The following USP37 variants were observed in gnomAD, a reference collection of about 807,000 sequenced individuals.
USP37 encodes ubiquitin specific peptidase 37.
USP37 carries 27 observed loss-of-function variants against 124.0 expected under a neutral mutation model. That is an observed-to-expected ratio of 0.22 (90% confidence interval 0.16 to 0.30). The LOEUF (loss-of-function observed/expected upper bound fraction) is 0.30. Ranked by LOEUF, USP37 falls within the 10% of genes least tolerant of loss-of-function variation. USP37 has a pLI of 1.00. For synonymous variants in USP37, 365 were observed against 388.0 expected (o/e 0.94, Z 0.70); for missense variants, 889 against 1,140.4 (o/e 0.78, Z 3.17).
intron 23 of USP37, among the ~76,000 whole-genome samples, chr2:218,457,533 T>C (rs2106403973): frequency 6.6e-6 from 1 of 152,170 alleles, no homozygotes; most frequent in Non-Finnish European, 1.5e-5. Flanking sequence ...TCCAAACCCA[T>C]ATGAATGCAC....
intron 1 of USP37, among the ~76,000 whole-genome samples, chr2:218,563,186 G>T (rs551299567): frequency 2.0e-5 from 3 of 148,594 alleles, no homozygotes; most frequent in African/African-American, 7.4e-5. Flanking sequence ...AAAGGAAAGT[G>T]ATCGTTTATA....
chr2:218,504,699 C>T (rs774462593), intron 11 of USP37, among the ~76,000 whole-genome samples: 15 of 151,916 alleles, frequency 9.9e-5, no homozygotes, highest in Non-Finnish European at 1.5e-4. Context: ...CCTCCCAAAG[C>T]GCTAGGATTA....
chr2:218,471,902 C>T (rs1374237300), intron 20 of USP37, among the ~76,000 whole-genome samples: 1 of 151,602 alleles, frequency 6.6e-6, no homozygotes, highest in Admixed American at 6.6e-5. Context: ...TGGTGGCGGG[C>T]GCCTGTAATC....
At chr2:218,462,596 A>G (rs1444180767) in intron 22 of USP37, among the ~76,000 whole-genome samples, 1 of 152,154 alleles carries the variant, frequency 6.6e-6, no homozygotes, top group African/African-American at 2.4e-5. Context: ...GCTCTTGAAA[A>G]TTCACGGGGA....
chr2:218,499,517 TAATC>T (rs1689256966), intron 11 of USP37, among the ~76,000 whole-genome samples: 1 of 152,202 alleles, frequency 6.6e-6, no homozygotes, highest in Non-Finnish European at 1.5e-5. Flanking sequence ...TTCTTATAAA[TAATC>T]AGAGTACAAT....
At chr2:218,474,580 TGAAA>T in intron 20 of USP37, 46 bp downstream of exon 20, 1 of 1,594,912 alleles carries the variant, frequency 6.3e-7, no homozygotes, top group Non-Finnish European at 8.5e-7. Context: ...TACAAAACTT[TGAAA>T]GAGTTATGTT....
At chr2:218,478,275 T>C (rs1691079815) in intron 18 of USP37, among the ~76,000 whole-genome samples, 1 of 152,172 alleles carries the variant, frequency 6.6e-6, no homozygotes, top group Non-Finnish European at 1.5e-5. Flanking sequence ...AAGCCTCCCA[T>C]GTGCTCAAAA....
intron 10 of USP37, among the ~76,000 whole-genome samples, chr2:218,514,711 C>A (rs961144223): frequency 3.5e-4 from 53 of 152,150 alleles, no homozygotes; most frequent in Non-Finnish European, 1.5e-4. Context: ...CTTTTGTCCA[C>A]TAATTTTAGC....
At chr2:218,477,747 T>C (rs1197028802) in intron 18 of USP37, among the ~76,000 whole-genome samples, 2 of 152,266 alleles carry the variant, frequency 1.3e-5, no homozygotes, top group Non-Finnish European at 2.9e-5. Flanking sequence ...CATTAAGATA[T>C]ACTTAAATTA....
chr2:218,562,632 T>C (rs954138431), intron 2 of USP37, 41 bp downstream of exon 2: 61 of 398,096 alleles, frequency 1.5e-4, no homozygotes, highest in Middle Eastern at 6.3e-4. Flanking sequence ...CCAGATTGCA[T>C]GCTCTTTGAA....
intron 13 of USP37, among the ~76,000 whole-genome samples, chr2:218,497,497 A>G (rs893462716): frequency 1.3e-5 from 2 of 151,212 alleles, no homozygotes; most frequent in African/African-American, 4.9e-5. Flanking sequence ...GGGTTCAAGC[A>G]ATTCTCCTGC....
intron 11 of USP37, among the ~76,000 whole-genome samples, chr2:218,506,042 T>C (rs550498601): frequency 2.6e-5 from 4 of 152,054 alleles, no homozygotes; most frequent in African/African-American, 9.6e-5. Context: ...TTTTGTACTA[T>C]TTGTAGAGAT....
At chr2:218,507,881 G>A (rs918058457) in intron 11 of USP37, among the ~76,000 whole-genome samples, 14 of 152,052 alleles carry the variant, frequency 9.2e-5, no homozygotes, top group Admixed American at 8.5e-4. Flanking sequence ...AACTAGTTCT[G>A]CAAACTACCA....
chr2:218,524,193 A>C (rs563153), intron 10 of USP37, among the ~76,000 whole-genome samples: 1 of 152,230 alleles, frequency 6.6e-6, no homozygotes, highest in Non-Finnish European at 1.5e-5. Flanking sequence ...TGTGTTCATA[A>C]GTGAAAAACT....
At chr2:218,502,980 A>C (rs527458303) in intron 11 of USP37, among the ~76,000 whole-genome samples, 2 of 152,364 alleles carry the variant, frequency 1.3e-5, no homozygotes, top group East Asian at 3.9e-4. Context: ...TACAAAAAAG[A>C]AGACAAAGAA....
chr2:218,544,406 AATATATAT>A lies in USP37; in HGVS notation c.680+1807_680+1814del, dbSNP rs1198499526. Among the ~76,000 whole-genome samples the A allele has an allele frequency of 7.7e-4, 64 of 82,968 alleles. 1 individual carries two copies. The highest frequency in any genetic ancestry group is 1.2e-3 in the African/African-American group (18 of 14,492). 54.4% of individuals were successfully genotyped at this position (82,968 alleles called of 152,430 possible). A position where few individuals can be genotyped will look rare whatever the true frequency, so the allele number is the denominator to read the frequency against. On this transcript the variant is annotated intron_variant, in intron 8 of 25. Transcript: ENST00000258399. ...TTTCACAAAAAAAAAAAAAAAAAAA[AATATATAT>A]ATATATATATATATATAGAGAGAGA...
At chr2:218,496,505 CT>C (rs1689087058) in intron 13 of USP37, among the ~76,000 whole-genome samples, 1 of 152,162 alleles carries the variant, frequency 6.6e-6, no homozygotes, top group Non-Finnish European at 1.5e-5. Context: ...ATCAGTTGCA[CT>C]GACATGAATC....
rs200856979 is a variant in USP37 at position 218,555,878 on chromosome 2, TCC to T, written c.157-2156_157-2155del. On this transcript the variant is annotated intron_variant, in intron 4 of 25. Transcript: ENST00000258399. ...CCATCCACTCAAAAACTTGAGACTC[TCC>T]CCAGATAATTTTCTCTCACACCTCC... is the stretch of plus-strand genomic sequence containing the variant. 9.7e-3 allele frequency among the ~76,000 whole-genome samples: 1,478 copies of T among 152,278 alleles called. 10 individuals carry two copies. Among genetic ancestry groups the T allele is most frequent in the Middle Eastern group, 0.017 (5 of 294 alleles).
intron 20 of USP37, among the ~76,000 whole-genome samples, chr2:218,467,593 C>T (rs1201342179): frequency 6.6e-6 from 1 of 152,118 alleles, no homozygotes; most frequent in Non-Finnish European, 1.5e-5. Flanking sequence ...GTGATCCGCC[C>T]ACCTCAGCCT....
Sources: gnomAD v4.1 joint callset for allele counts (sites outside exome capture counted in the v4.1 genomes callset) on GRCh38, gnomAD v4.1.1 for gene constraint, MANE v1.5 for transcripts, NCBI Gene and HGNC (gene_info 2026-07-23, HGNC 2026-07-21) for gene names.